The following ENTPD1 variants were observed in gnomAD, a reference collection of about 807,000 sequenced individuals.
The protein encoded by ENTPD1 is ATP diphosphohydrolase.
Under a neutral mutation model 57.0 loss-of-function variants are expected in ENTPD1, and 33 were observed. The observed-to-expected ratio is 0.58, with a 90% CI of 0.44 to 0.77. The LOEUF (loss-of-function observed/expected upper bound fraction) is 0.77. Among genes scored for constraint, ENTPD1 ranks in the 30% least tolerant of loss-of-function variants. ENTPD1 has a pLI of 0.00. For synonymous variants in ENTPD1, 202 were observed against 218.8 expected, an observed-to-expected ratio of 0.92 and a Z score of 0.68; for missense variants, 501 against 603.4, an observed-to-expected ratio of 0.83 and a Z score of 1.78.
At chr10:95,700,950 G>A in the ENTPD1 span, among the ~76,000 whole-genome samples, 2 of 151,944 alleles carry the variant, frequency 1.3e-5, no homozygotes, top group East Asian at 1.9e-4. Context: ...CCACCACCAC[G>A]CCTGGCTAAT....
At chr10:95,777,546 G>A (rs1267313503) in intron 1 of ENTPD1, among the ~76,000 whole-genome samples, 1 of 152,164 alleles carries the variant, frequency 6.6e-6, no homozygotes, top group African/African-American at 2.4e-5. Context: ...AGGGGTGCCC[G>A]CCTGTATGAA....
At chr10:95,847,789 A>G in intron 7 of ENTPD1, 83 bp downstream of exon 7, 1 of 1,595,562 alleles carries the variant, frequency 6.3e-7, no homozygotes, top group Non-Finnish European at 8.6e-7. Flanking sequence ...AAATAATAGG[A>G]TGCATTTTTC....
upstream of ENTPD1, chr10:95,756,018 C>G (rs1312962168): frequency 6.8e-7 from 1 of 1,465,956 alleles, no homozygotes; most frequent in Non-Finnish European, 9.0e-7. Context: ...GGAAAATGAG[C>G]TGCTGGACTC....
intron 1 of ENTPD1, among the ~76,000 whole-genome samples, chr10:95,769,616 A>C (rs7898964): frequency 3.3e-5 from 5 of 152,210 alleles, no homozygotes; most frequent in African/African-American, 9.7e-5. Flanking sequence ...GACTTTATCC[A>C]ATTCACGTTT....
At chr10:95,730,911 A>C (rs1045661297) in intron 1 of ENTPD1, among the ~76,000 whole-genome samples, 8 of 152,222 alleles carry the variant, frequency 5.3e-5, no homozygotes, top group African/African-American at 1.9e-4. Flanking sequence ...AGGTCAATAG[A>C]TCTTACTCTA....
upstream of ENTPD1, chr10:95,755,926 G>A (rs2098021371): frequency 1.3e-6 from 2 of 1,490,916 alleles, no homozygotes; most frequent in Admixed American, 2.4e-5. Context: ...AGGGAAGAAG[G>A]GAGAAAGAGA....
chr10:95,854,238 C>T (rs1015008262), intron 7 of ENTPD1, among the ~76,000 whole-genome samples: 1 of 152,128 alleles, frequency 6.6e-6, no homozygotes, highest in Non-Finnish European at 1.5e-5. Flanking sequence ...TTATAGTATT[C>T]TCTGATGGTA....
At chr10:95,777,253 C>G (rs756310758) in intron 1 of ENTPD1, among the ~76,000 whole-genome samples, 2 of 152,186 alleles carry the variant, frequency 1.3e-5, no homozygotes, top group African/African-American at 2.4e-5. Context: ...CTGGTTTCTC[C>G]CCATCTTTGT....
chr10:95,721,332 T>C (rs1286932434), intron 1 of ENTPD1, among the ~76,000 whole-genome samples: 2 of 152,220 alleles, frequency 1.3e-5, no homozygotes, highest in Non-Finnish European at 1.5e-5. Flanking sequence ...CACTGGGAAC[T>C]GCCTGCTGGC....
chr10:95,705,548 A>C, the ENTPD1 span, among the ~76,000 whole-genome samples: 2 of 152,072 alleles, frequency 1.3e-5, no homozygotes, highest in African/African-American at 4.8e-5. Flanking sequence ...CTGGAGTGCA[A>C]TGGCGTGAAC....
intron 1 of ENTPD1, among the ~76,000 whole-genome samples, chr10:95,804,513 T>G (rs2098264100): frequency 6.6e-6 from 1 of 152,250 alleles, no homozygotes; most frequent in Admixed American, 6.5e-5. Flanking sequence ...ATAAGAATGC[T>G]TATGATTTTT....
chr10:95,725,774 C>T (rs1233671473), intron 1 of ENTPD1, among the ~76,000 whole-genome samples: 1 of 152,148 alleles, frequency 6.6e-6, no homozygotes. Flanking sequence ...TTTTGCTAGC[C>T]TGTCTTGGAT....
the ENTPD1 span, among the ~76,000 whole-genome samples, chr10:95,703,059 A>G: frequency 6.6e-6 from 1 of 152,068 alleles, no homozygotes; most frequent in Non-Finnish European, 1.5e-5. Flanking sequence ...TGCTGGGATT[A>G]CAGGTGTGAG....
At chr10:95,849,667 A>C (rs1368039041) in intron 7 of ENTPD1, among the ~76,000 whole-genome samples, 2 of 152,200 alleles carry the variant, frequency 1.3e-5, no homozygotes, top group Non-Finnish European at 2.9e-5. Flanking sequence ...ACCACAGTCT[A>C]CCCTCCCCTC....
chr10:95,832,390 T>TA (rs1252144490), intron 2 of ENTPD1, among the ~76,000 whole-genome samples: 4 of 151,074 alleles, frequency 2.6e-5, no homozygotes, highest in African/African-American at 4.9e-5. Flanking sequence ...AATGAGAACT[T>TA]AAAAAAAAAT....
the ENTPD1 span, among the ~76,000 whole-genome samples, chr10:95,706,316 C>T: frequency 1.3e-5 from 2 of 152,150 alleles, no homozygotes; most frequent in African/African-American, 2.4e-5. Flanking sequence ...TCTTGTCCTG[C>T]GTCCAGGAAG....
intron 1 of ENTPD1, among the ~76,000 whole-genome samples, chr10:95,765,116 T>G (rs1260432879): frequency 6.6e-6 from 1 of 152,202 alleles, no homozygotes; most frequent in Non-Finnish European, 1.5e-5. Flanking sequence ...TTCCAAAAAT[T>G]TTCTCCCATT....
intron 2 of ENTPD1, among the ~76,000 whole-genome samples, chr10:95,825,181 A>G (rs926957242): frequency 6.6e-6 from 1 of 152,216 alleles, no homozygotes; most frequent in Admixed American, 6.5e-5. Flanking sequence ...CAAGTGCTCA[A>G]TAGCCATACA....
intron 7 of ENTPD1, among the ~76,000 whole-genome samples, chr10:95,855,777 T>C (rs2098453528): frequency 6.6e-6 from 1 of 152,272 alleles, no homozygotes; most frequent in Non-Finnish European, 1.5e-5. Flanking sequence ...CACTCTCTTC[T>C]GGCTTATAGA....
Sources: allele counts gnomAD v4.1 joint callset (sites outside exome capture counted in the v4.1 genomes callset), GRCh38; gene constraint gnomAD v4.1.1; transcripts MANE v1.5; gene names NCBI Gene and HGNC (gene_info 2026-07-23, HGNC 2026-07-21).